Variants in HCFC1 observed in about 807,000 individuals in gnomAD.
The protein encoded by HCFC1 is host cell factor 1.
Under a neutral mutation model 105.5 loss-of-function variants are expected in HCFC1, and 7 were observed. The observed-to-expected ratio is 0.07, with a 90% CI of 0.04 to 0.12. The LOEUF is 0.12. HCFC1 is among the 10% of genes least tolerant of loss of function. The probability of loss-of-function intolerance (pLI) is 1.00; values close to 1 mark genes in which losing one functional copy is unlikely to be tolerated. For missense variants in HCFC1, 1,065 were observed against 1,823.6 expected (o/e 0.58, Z 7.58); for synonymous variants, 918 against 828.1 (o/e 1.11, Z -1.86).
At chrX:153,964,757 C>G in intron 1 of HCFC1, 31 bp from the exon 2 acceptor site, 2 of 1,124,962 alleles carry the variant, frequency 1.8e-6, no homozygotes. Context: ...GAAGTCAGAA[C>G]ACCCGGGAGC....
In HCFC1 at chrX:153,949,327, A is replaced by C; in HGVS notation, c.*20T>G. The stretch of plus-strand genomic sequence containing the variant: ...AGCAGGGGGGTCTGGAGAAGAATCC[A>C]GGGGCTAGTCAGCTTCCTCTCACTG... On this transcript the variant is annotated 3_prime_UTR_variant, in exon 26 of 26. Transcript: ENST00000310441. 8.4e-7 allele frequency: 1 copy of C among 1,194,522 alleles called. No individual in the cohort carries two copies. The highest frequency in any genetic ancestry group is 3.0e-5 in the East Asian group (1 of 33,751).
rs1344145002 is a variant in HCFC1 at position 153,949,366 on chromosome X, G to C, written c.6089C>G (p.Ser2030Cys). ...TTCCTCTCACTGACCATCGGCCTTA[G>C]ATTTCTTTGGAGCAGATTTCCTTGG... ...SPEMKSAPKKSKADGQ is the reference protein window; with the variant it reads ...SPEMKSAPKKCKADGQ Residue 2030 changes from serine to cysteine, a missense_variant, in exon 26 of 26, where the codon TCT (serine) becomes TGT (cysteine). Physicochemically the swap from Ser to Cys is moderately radical, Grantham distance 112. Coordinates refer to ENST00000310441, the MANE Select transcript of HCFC1 (RefSeq NM_005334.3). 4.1e-6 allele frequency: 5 copies of C among 1,207,443 alleles called. No individual in the cohort carries two copies. The highest frequency in any genetic ancestry group is 5.6e-6 in the Non-Finnish European group (5 of 892,555).
At chrX:153,952,484 C>G (rs781891300) in intron 19 of HCFC1, 30 bp downstream of exon 19, 59 of 1,126,996 alleles carry the variant, frequency 5.2e-5, no homozygotes, top group Admixed American at 3.5e-4. Flanking sequence ...CCGAGCGGCC[C>G]GGCTTCCCCA....
chrX:153,970,502 A>G, intron 1 of HCFC1, 146 bp downstream of exon 1: 1 of 369,471 alleles, frequency 2.7e-6, no homozygotes, highest in South Asian at 4.5e-5. Context: ...AGGAGGGGAG[A>G]GAGAGAGGGA....
At position 153,955,241 on chromosome X, in the gene HCFC1, T is replaced by C. The variant is rs1557114467; in HGVS notation, c.3158A>G (p.Gln1053Arg). The part of the protein sequence containing the change: ...PTQVQFVCDR[Q>R]EAAASLVTST... ...GGTCACAAGAGAAGCAGCTGCCTCCTGTCTGTCACAGACGAACTGCACTTG... is the reference window on the plus strand; with the variant it reads ...GGTCACAAGAGAAGCAGCTGCCTCCCGTCTGTCACAGACGAACTGCACTTG... The change falls in exon 17 of 26, where the codon CAG (glutamine) becomes CGG (arginine). Residue 1053 changes from glutamine (Q) to arginine (R), a missense_variant. Physicochemically the swap from Gln to Arg is conservative, Grantham distance 43. Transcript: ENST00000310441. 3.3e-6 allele frequency: 4 copies of C among 1,211,363 alleles called. No homozygotes were observed. In the East Asian group the frequency reaches 8.9e-5, roughly 27 times the overall value.
rs947460773 is a variant in HCFC1 at position 153,949,101 on chromosome X, G to T, written c.*246C>A. On this transcript the variant is annotated 3_prime_UTR_variant, in exon 26 of 26. Transcript: ENST00000310441. Reference sequence around the variant, plus strand: ...TCTCCCCAGGGTGGGCGGCAGCGGGGAGGAAAGGAAGCGCGCTCCTCTCTC... The same window carrying T: ...TCTCCCCAGGGTGGGCGGCAGCGGGTAGGAAAGGAAGCGCGCTCCTCTCTC... The T allele has an allele frequency of 1.6e-5, 5 of 317,451 alleles. No individual in the cohort carries two copies. The highest frequency in any genetic ancestry group is 2.7e-5 in the Non-Finnish European group (5 of 182,053). The allele number at this position is 317,451 out of a possible 1,213,427, so 26.2% of individuals were successfully genotyped here.
At chrX:153,964,769 C>T (rs1328293135) in intron 1 of HCFC1, 43 bp from the exon 2 acceptor site, 46 of 1,108,208 alleles carry the variant, frequency 4.2e-5, no homozygotes, top group Non-Finnish European at 5.3e-5. Context: ...CCCGGGAGCC[C>T]CCATTCCTCT....
intron 1 of HCFC1, among the ~76,000 whole-genome samples, chrX:153,966,466 C>A (rs782192961): frequency 8.9e-6 from 1 of 112,619 alleles, no homozygotes; most frequent in Non-Finnish European, 1.9e-5. Context: ...AAGCTCGGAT[C>A]CTGGCCCTCT....
chrX:153,970,970 C>G lies in HCFC1; in HGVS notation c.-130G>C. 2.0e-6 allele frequency: 1 copy of G among 495,771 alleles called. No homozygotes were observed. Among genetic ancestry groups the G allele is most frequent in the Non-Finnish European group, 3.2e-6 (1 of 308,542 alleles). 40.9% of individuals were successfully genotyped at this position (495,771 alleles called of 1,213,427 possible). A position where few individuals can be genotyped will look rare whatever the true frequency, so the allele number is the denominator to read the frequency against. On this transcript the variant is annotated 5_prime_UTR_variant, in exon 1 of 26. Transcript: ENST00000310441. ...CGGTTTCTCACACAGCGGTAGACGA[C>G]TCCATGGAGGCCGCCATCTTAACTG...
rs1312092812 is a variant in HCFC1, at chrX:153,953,526, G to A, written c.4497+81C>T. 13 of 1,011,494 alleles carry A rather than the reference G, an allele frequency of 1.3e-5. No individual in the cohort carries two copies. The East Asian group carries it at 1.8e-4, about 14-fold the overall frequency. 83.4% of individuals were successfully genotyped at this position (1,011,494 alleles called of 1,213,427 possible). ...GAGCGGCCCCATGCCTGGTACAAGA[G>A]CGACATCTGGCGTCTGAGTGTGGAA... On this transcript the variant is annotated intron_variant, in intron 18 of 25. Coordinates refer to ENST00000310441, the MANE Select transcript of HCFC1 (RefSeq NM_005334.3).
intron 1 of HCFC1, among the ~76,000 whole-genome samples, chrX:153,969,546 C>T (rs1413542602): frequency 1.8e-5 from 2 of 112,899 alleles, no homozygotes; most frequent in Admixed American, 1.9e-4. Flanking sequence ...AACGGGCAGT[C>T]AGTAGGCAAC....
intron 1 of HCFC1, among the ~76,000 whole-genome samples, chrX:153,968,269 C>T (rs782401090): frequency 7.2e-5 from 8 of 111,808 alleles, no homozygotes; most frequent in Non-Finnish European, 1.5e-4. Flanking sequence ...AGCACACACC[C>T]CCTGAAGCTT....
At chrX:153,961,804 T>C (rs2065431625) in intron 5 of HCFC1, among the ~76,000 whole-genome samples, 156 bp from the exon 6 acceptor site, 1 of 112,227 alleles carries the variant, frequency 8.9e-6, no homozygotes, top group African/African-American at 3.2e-5. Context: ...CTCTCCTGCC[T>C]GGTGGCTCAG....
chrX:153,951,207 G>C, intron 22 of HCFC1, 143 bp downstream of exon 22: 1 of 722,650 alleles, frequency 1.4e-6, no homozygotes, highest in Non-Finnish European at 2.1e-6. Context: ...ACTGCTTCAG[G>C]GGGGATGGTC....
chrX:153,960,755 T>C (rs137912991), intron 6 of HCFC1, among the ~76,000 whole-genome samples: 5 of 112,106 alleles, frequency 4.5e-5, no homozygotes, highest in African/African-American at 1.6e-4. Flanking sequence ...AAACACACAC[T>C]CTCACGCAAA....
intron 1 of HCFC1, among the ~76,000 whole-genome samples, chrX:153,969,040 G>A (rs1240179637): frequency 1.8e-5 from 2 of 112,334 alleles, no homozygotes; most frequent in Non-Finnish European, 3.8e-5. Flanking sequence ...AACGGTCACA[G>A]ACAACCCACC....
At chrX:153,953,841 G>T in intron 17 of HCFC1, 71 bp from the exon 18 acceptor site, 1 of 1,065,398 alleles carries the variant, frequency 9.4e-7, no homozygotes, top group Non-Finnish European at 1.3e-6. Flanking sequence ...GACCACCACA[G>T]GCTTCCTCTA....
chrX:153,968,468 C>T (rs782368115), intron 1 of HCFC1, among the ~76,000 whole-genome samples: 1 of 111,981 alleles, frequency 8.9e-6, no homozygotes, highest in South Asian at 3.7e-4. Flanking sequence ...GCAGAAACCC[C>T]GGTGAGGAAG....
At position 153,949,406 on chromosome X, in the gene HCFC1, A is replaced by G. The variant is rs377160085; in HGVS notation, c.6069-20T>C. The stretch of plus-strand genomic sequence containing the variant: ...GATTTCCTTGGAAGGCAGAAAAAGG[A>G]AAGAGAAAGTTAGTGTGGGCCCTGC... On this transcript the variant is annotated intron_variant, in intron 25 of 25. Transcript: ENST00000310441. The G allele has an allele frequency of 3.3e-5, 39 of 1,198,834 alleles. No homozygotes were observed. In the East Asian group the frequency reaches 8.0e-4, roughly 25 times the overall value.
Sources: gnomAD v4.1 joint callset for allele counts (sites outside exome capture counted in the v4.1 genomes callset) on GRCh38, gnomAD v4.1.1 for gene constraint, MANE v1.5 for transcripts, NCBI Gene and HGNC (gene_info 2026-07-23, HGNC 2026-07-21) for gene names.